The following STAG2 variants were observed in gnomAD, a reference collection of about 807,000 sequenced individuals.
STAG2 encodes the protein STAG2 cohesin complex component.
A neutral mutation model predicts 108.1 loss-of-function variants in STAG2; 14 were observed. The ratio of observed to expected loss-of-function variants is 0.13; its 90% CI spans 0.09 to 0.20. The LOEUF (loss-of-function observed/expected upper bound fraction) is 0.20, where lower values mean the gene tolerates loss of function less well. Among genes scored for constraint, STAG2 ranks in the 10% least tolerant of loss-of-function variants. The probability of loss-of-function intolerance (pLI) is 1.00; values close to 1 mark genes in which losing one functional copy is unlikely to be tolerated. For missense variants in STAG2, 440 were observed against 940.9 expected (o/e 0.47, Z 6.96); for synonymous variants, 307 against 302.7 (o/e 1.01, Z -0.15).
intron 1 of STAG2, among the ~76,000 whole-genome samples, chrX:123,964,549 T>C (rs2054008340): frequency 9.0e-6 from 1 of 111,248 alleles, no homozygotes; most frequent in African/African-American, 3.3e-5. Context: ...TAGGGAGCAT[T>C]CCTGGTAGAA....
At chrX:124,057,695 G>A (rs1386012472) in intron 14 of STAG2, among the ~76,000 whole-genome samples, 171 bp from the exon 15 acceptor site, 1 of 111,609 alleles carries the variant, frequency 9.0e-6, no homozygotes, top group Non-Finnish European at 1.9e-5. Context: ...AAATGAAAAA[G>A]GTTTATAGCA....
chrX:124,086,481 C>T (rs2148463256), intron 29 of STAG2, 66 bp from the exon 30 acceptor site: 1 of 902,542 alleles, frequency 1.1e-6, no homozygotes, highest in Non-Finnish European at 1.6e-6. Flanking sequence ...TATGCTCGCA[C>T]AACTATGAGT....
At chrX:124,008,215 C>CTT (rs1198252142) in intron 1 of STAG2, among the ~76,000 whole-genome samples, 8 of 97,447 alleles carry the variant, frequency 8.2e-5, no homozygotes, top group Admixed American at 1.1e-4. Flanking sequence ...AATTTTCTTT[C>CTT]TTTTTTTTTT....
intron 6 of STAG2, among the ~76,000 whole-genome samples, chrX:124,037,848 T>C (rs766517811): frequency 8.9e-6 from 1 of 112,647 alleles, no homozygotes; most frequent in Non-Finnish European, 1.9e-5. Flanking sequence ...CTTAGCAGTT[T>C]ATAATTATTA....
intron 1 of STAG2, among the ~76,000 whole-genome samples, chrX:123,971,083 C>G (rs2054332067): frequency 8.9e-6 from 1 of 111,787 alleles, no homozygotes; most frequent in Admixed American, 9.5e-5. Flanking sequence ...GAAACTGAAG[C>G]ATAGGGAGAC....
chrX:124,026,014 G>T, intron 4 of STAG2, 96 bp downstream of exon 4: 1 of 630,339 alleles, frequency 1.6e-6, no homozygotes, highest in Non-Finnish European at 2.4e-6. Flanking sequence ...TTTAAAAATG[G>T]CTTTTTAAGG....
intron 34 of STAG2, among the ~76,000 whole-genome samples, chrX:124,098,740 T>C (rs1040964697): frequency 1.8e-5 from 2 of 112,258 alleles, no homozygotes; most frequent in African/African-American, 6.5e-5. Flanking sequence ...TTTTAAACAC[T>C]TAATTTTTAA....
rs911971862 is a variant in STAG2, at chrX:123,969,404, T to C, written c.-163+7548T>C. 5.4e-5 allele frequency among the ~76,000 whole-genome samples: 6 copies of C among 111,854 alleles called. No homozygotes were observed. The Admixed American group carries it at 5.7e-4, about 11-fold the overall frequency. ...GTGGTTAGATTCGAAGTAAAAAGTT[T>C]AGGCTAATCTTTAATAATTCAGCGC... On this transcript the variant is annotated intron_variant, in intron 1 of 34. Coordinates refer to ENST00000371145, the MANE Select transcript of STAG2 (RefSeq NM_001042750.2).
chrX:124,007,715 A>G (rs1358828748), intron 1 of STAG2, among the ~76,000 whole-genome samples: 1 of 112,505 alleles, frequency 8.9e-6, no homozygotes, highest in Non-Finnish European at 1.9e-5. Context: ...ATTCATATAC[A>G]TGTTCTTACT....
chrX:124,069,150 A>G (rs1228834452), intron 24 of STAG2, among the ~76,000 whole-genome samples: 8 of 111,845 alleles, frequency 7.2e-5, no homozygotes, highest in Non-Finnish European at 3.8e-5. Context: ...GTATGCCTTC[A>G]TGCTTCCATT....
chrX:123,992,751 G>A (rs750211495), intron 1 of STAG2, among the ~76,000 whole-genome samples: 1 of 111,093 alleles, frequency 9.0e-6, no homozygotes, highest in South Asian at 3.8e-4. Flanking sequence ...TGTTCCCCAG[G>A]CTGGTCTGAA....
upstream of STAG2, chrX:123,960,829 C>G (rs775299363): frequency 1.8e-5 from 2 of 109,471 alleles, no homozygotes; most frequent in Admixed American, 1.9e-4. Context: ...GGGAGGCGAA[C>G]AGTCTCGTTG....
At chrX:124,086,439 A>T in intron 29 of STAG2, 108 bp from the exon 30 acceptor site, 2 of 545,992 alleles carry the variant, frequency 3.7e-6, no homozygotes, top group Non-Finnish European at 5.9e-6. Flanking sequence ...AATGTCCTGT[A>T]AGGCTGAGTT....
intron 1 of STAG2, among the ~76,000 whole-genome samples, chrX:124,006,605 A>AT (rs1333898738): frequency 9.2e-6 from 1 of 108,933 alleles, no homozygotes; most frequent in Non-Finnish European, 1.9e-5. Context: ...CGCCCGGCTA[A>AT]TTTTTTTGTA....
intron 7 of STAG2, among the ~76,000 whole-genome samples, chrX:124,043,102 T>A (rs2057770683): frequency 9.1e-6 from 1 of 109,909 alleles, no homozygotes; most frequent in Admixed American, 9.7e-5. Flanking sequence ...TGTGCGACCT[T>A]TGGCAGGTTG....
chrX:124,076,171 A>C (rs2058797198), intron 25 of STAG2, among the ~76,000 whole-genome samples, 161 bp from the exon 26 acceptor site: 1 of 112,271 alleles, frequency 8.9e-6, no homozygotes, highest in African/African-American at 3.2e-5. Flanking sequence ...TGTCACAAAA[A>C]TTTAGTCTAT....
At chrX:124,015,911 G>A (rs2056707026) in intron 1 of STAG2, among the ~76,000 whole-genome samples, 1 of 111,267 alleles carries the variant, frequency 9.0e-6, no homozygotes, top group African/African-American at 3.3e-5. Flanking sequence ...GCTGTCTCCT[G>A]AGAAAGTACA....
chrX:124,046,829 G>A (rs1258390637), intron 8 of STAG2, among the ~76,000 whole-genome samples: 2 of 111,746 alleles, frequency 1.8e-5, no homozygotes, highest in East Asian at 5.6e-4. Context: ...AGAGTAAAAT[G>A]AAAGGAAAGC....
At chrX:124,051,532 T>C in intron 13 of STAG2, 138 bp downstream of exon 13, 1 of 398,917 alleles carries the variant, frequency 2.5e-6, no homozygotes, top group East Asian at 4.4e-5. Flanking sequence ...GTTGAATTTC[T>C]TCATGTATAG....
Sources: allele counts gnomAD v4.1 joint callset (sites outside exome capture counted in the v4.1 genomes callset), GRCh38; gene constraint gnomAD v4.1.1; transcripts MANE v1.5; gene names NCBI Gene and HGNC (gene_info 2026-07-23, HGNC 2026-07-21).